The following SLC19A1 variants were observed in gnomAD, a reference collection of about 807,000 sequenced individuals.
SLC19A1 encodes solute carrier family 19 member 1.
A neutral mutation model predicts 35.3 loss-of-function variants in SLC19A1; 37 were observed. The observed-to-expected ratio is 1.05, with a 90% CI of 0.81 to 1.38. The LOEUF is 1.38. Ranked by LOEUF, SLC19A1 falls within the 40% of genes most tolerant of loss-of-function variation. The pLI is 0.00. For synonymous variants in SLC19A1, 460 were observed against 398.5 expected, an observed-to-expected ratio of 1.15 and a Z score of -1.84; for missense variants, 831 against 826.9, an observed-to-expected ratio of 1.00 and a Z score of -0.06.
intron 1 of SLC19A1, among the ~76,000 whole-genome samples, chr21:45,552,241 G>C (rs1356494402): frequency 3.9e-5 from 6 of 152,206 alleles, no homozygotes; most frequent in Non-Finnish European, 8.8e-5. Flanking sequence ...TGCTGCTGCT[G>C]CATCTGTGTC....
At chr21:45,506,422 C>T (rs2146092480) in intron 3 of SLC19A1, 1 of 311,524 alleles carries the variant, frequency 3.2e-6, no homozygotes, top group East Asian at 8.6e-5. Flanking sequence ...TGCATCCTCT[C>T]TGCTTAGCAC....
intron 1 of SLC19A1, among the ~76,000 whole-genome samples, chr21:45,552,026 C>A (rs953939949): frequency 6.6e-6 from 1 of 152,240 alleles, no homozygotes; most frequent in Admixed American, 6.5e-5. Flanking sequence ...GTTTCAGGTG[C>A]GTTCCTCAGA....
intron 1 of SLC19A1, among the ~76,000 whole-genome samples, chr21:45,560,002 G>A (rs908353354): frequency 1.8e-4 from 28 of 152,184 alleles, no homozygotes; most frequent in African/African-American, 6.0e-4. Flanking sequence ...GGGCCAAAAC[G>A]TCGGAAATGC....
downstream of SLC19A1, among the ~76,000 whole-genome samples, chr21:45,509,806 G>C (rs2838951): frequency 0.63 from 94,708 of 151,126 alleles, 29,845 homozygotes; most frequent in African/African-American, 0.74. Flanking sequence ...AAGTCCAGCC[G>C]CTGTCACATC....
Position 45,533,507 on chromosome 21 carries a change from C to G in SLC19A1, c.190-1359G>C, listed in dbSNP as rs1164283294. 6.6e-6 allele frequency among the ~76,000 whole-genome samples: 1 copy of G among 152,076 alleles called. No homozygotes were observed. The highest frequency in any genetic ancestry group is 1.5e-5 in the Non-Finnish European group (1 of 67,962). ...CCCTCCCTGGGGACTGATGTGGGAG[C>G]CACCCTATGCTTGGAGCCTCCCCTG... On this transcript the variant is annotated intron_variant, in intron 2 of 5. Coordinates refer to ENST00000311124, the MANE Select transcript of SLC19A1 (RefSeq NM_194255.4). This position sits in a 1 kb window ranked among gnomAD's most constrained non-coding sequence, Gnocchi z 4.5.
At chr21:45,544,703 G>T (rs1156972026), upstream of SLC19A1, among the ~76,000 whole-genome samples, 3 of 151,598 alleles carry the variant, frequency 2.0e-5, no homozygotes, top group African/African-American at 7.3e-5. Context: ...GTAGGCTCCA[G>T]CCATATACAG....
chr21:45,508,794 G>C (rs541458034), downstream of SLC19A1, among the ~76,000 whole-genome samples: 4 of 152,264 alleles, frequency 2.6e-5, no homozygotes, highest in African/African-American at 9.6e-5. Context: ...TATTGCCCTG[G>C]GTAACACACA....
intron 3 of SLC19A1, chr21:45,507,106 TGGGAGGGCTGGGTGCTGGGCA>T (rs1230330810): frequency 1.3e-4 from 40 of 301,554 alleles, no homozygotes; most frequent in Middle Eastern, 1.1e-3. Context: ...TGCCGTGGAC[TGGGAGGGCTGGGTGCTGGGCA>T]GGGAGGGCAC....
chr21:45,510,108 G>T, downstream of SLC19A1: 1 of 1,594,302 alleles, frequency 6.3e-7, no homozygotes, highest in East Asian at 2.3e-5. Flanking sequence ...GCGGCATGCG[G>T]GGCATCCGCG....
At chr21:45,529,065 C>A (rs1207015812) in intron 4 of SLC19A1, among the ~76,000 whole-genome samples, 4 of 152,234 alleles carry the variant, frequency 2.6e-5, no homozygotes, top group African/African-American at 4.8e-5. Flanking sequence ...GGGGCCCAAG[C>A]AAGATCACGC....
intron 5 of SLC19A1, among the ~76,000 whole-genome samples, chr21:45,523,182 T>A (rs935922365): frequency 2.0e-5 from 3 of 152,042 alleles, no homozygotes; most frequent in Non-Finnish European, 2.9e-5. Context: ...GTTCTCCCCA[T>A]GCTGGAGGAA....
intron 1 of SLC19A1, among the ~76,000 whole-genome samples, chr21:45,555,169 CGCAGGGGGCGGT>C (rs2078533952): frequency 1.4e-5 from 1 of 72,874 alleles, no homozygotes; most frequent in Admixed American, 1.4e-4. Context: ...GCGGGGGCGG[CGCAGGGGGCGGT>C]GCAGGGGGCG....
At chr21:45,532,397 G>A (rs1178592473) in intron 2 of SLC19A1, among the ~76,000 whole-genome samples, 6 of 152,212 alleles carry the variant, frequency 3.9e-5, no homozygotes, top group Admixed American at 3.9e-4. Context: ...GCCACAGAAG[G>A]AATCGTTATT....
intron 3 of SLC19A1, chr21:45,507,099 C>T (rs12482195): frequency 0.64 from 193,328 of 302,852 alleles, 61,675 homozygotes; most frequent in African/African-American, 0.77. Flanking sequence ...GGCAACCTGC[C>T]GTGGACTGGG....
chr21:45,558,935 A>C (rs2078589537), intron 1 of SLC19A1, among the ~76,000 whole-genome samples: 1 of 151,694 alleles, frequency 6.6e-6, no homozygotes, highest in Non-Finnish European at 1.5e-5. Flanking sequence ...CAGCCTCCCA[A>C]GTAGCTGGGA....
At chr21:45,555,711 C>G (rs554273595) in intron 1 of SLC19A1, among the ~76,000 whole-genome samples, 2 of 152,028 alleles carry the variant, frequency 1.3e-5, no homozygotes, top group Admixed American at 1.3e-4. Flanking sequence ...CGTAGCCTCC[C>G]GAGCAGGGTG....
intron 1 of SLC19A1, among the ~76,000 whole-genome samples, chr21:45,556,415 C>A (rs769746841): frequency 1.3e-5 from 2 of 152,246 alleles, no homozygotes; most frequent in Non-Finnish European, 2.9e-5. Flanking sequence ...CCGCTGCTCC[C>A]CACCAGCGCC....
Position 45,515,870 on chromosome 21 carries a change from CG to C in SLC19A1, c.1563del (p.Ser521ArgfsTer17). ...VGPASLEQRQ[S>X]DPYLAQAPAP... Reference sequence around the variant, plus strand: ...GCCGGGGCCTGGGCCAGGTATGGGTCGCTCTGTCTCTGCTCCAGGGAGGCTG... The same window carrying C: ...GCCGGGGCCTGGGCCAGGTATGGGTCCTCTGTCTCTGCTCCAGGGAGGCTG... On this transcript the variant is annotated frameshift_variant, in exon 6 of 6. Coordinates refer to ENST00000311124, the MANE Select transcript of SLC19A1 (RefSeq NM_194255.4). LOFTEE classifies it low-confidence loss of function (END_TRUNC). The C allele has an allele frequency of 1.9e-6, 3 of 1,580,392 alleles. No individual in the cohort carries two copies. The highest frequency in any genetic ancestry group is 2.6e-6 in the Non-Finnish European group (3 of 1,162,510).
downstream of SLC19A1, chr21:45,510,193 C>T (rs374880663): frequency 2.4e-5 from 39 of 1,599,462 alleles, no homozygotes; most frequent in South Asian, 5.6e-5. Flanking sequence ...CCTGTCCTCG[C>T]GCCTGCAGGA....
Sources: gnomAD v4.1 joint callset for allele counts (sites outside exome capture counted in the v4.1 genomes callset) on GRCh38, gnomAD v4.1.1 for gene constraint, Gnocchi (gnomAD v3.1) non-coding constraint, MANE v1.5 for transcripts, NCBI Gene and HGNC (gene_info 2026-07-23, HGNC 2026-07-21) for gene names.